EHMT1: variants seen among roughly 807,000 people sequenced by gnomAD.
EHMT1 encodes euchromatic histone lysine methyltransferase 1.
In EHMT1, 15 loss-of-function variants were observed where a neutral mutation model predicts 147.2. That is an observed-to-expected ratio of 0.10 (90% confidence interval 0.07 to 0.16). EHMT1 has a LOEUF of 0.16. EHMT1 is among the 10% of genes least tolerant of loss of function. The pLI, the probability that EHMT1 is intolerant of heterozygous loss-of-function variation, is 1.00. For synonymous variants in EHMT1, 795 were observed against 709.6 expected, an observed-to-expected ratio of 1.12 and a Z score of -1.91; for missense variants, 1,587 against 1,772.4, an observed-to-expected ratio of 0.90 and a Z score of 1.88.
At chr9:137,620,278 C>G (rs1224898884) in intron 1 of EHMT1, among the ~76,000 whole-genome samples, 1 of 152,160 alleles carries the variant, frequency 6.6e-6, no homozygotes, top group Non-Finnish European at 1.5e-5. Context: ...GGGGAGAAGA[C>G]GTGTAGTGAT....
At position 137,716,851 on chromosome 9, in the gene EHMT1, C is replaced by T. The variant is rs142199482; in HGVS notation, c.311C>T (p.Ala104Val). Residue 104 changes from alanine to valine, a missense_variant, in exon 3 of 27, where the codon GCG (alanine) becomes GTG (valine). Physicochemically the swap from Ala to Val is moderately conservative, Grantham distance 64. Around this residue, in one of 7 missense-constraint regions of EHMT1, gnomAD observed 810 missense variants for 673.0 expected, o/e 1.20. Coordinates refer to ENST00000460843, the MANE Select transcript of EHMT1 (RefSeq NM_024757.5). The part of the protein sequence containing the change: ...NGVSERDSEA[A>V]KQNHVTADDF... Reference sequence around the variant, plus strand: ...GTTTCAGAAAGAGACTCAGAAGCGGCGAAGCAAAACCACGTCACTGCCGAC... The same window carrying T: ...GTTTCAGAAAGAGACTCAGAAGCGGTGAAGCAAAACCACGTCACTGCCGAC... 1.2e-4 allele frequency: 188 copies of T among 1,613,248 alleles called. No individual in the cohort carries two copies. Among genetic ancestry groups the T allele is most frequent in the South Asian group, 6.7e-4 (61 of 91,084 alleles).
At chr9:137,625,364 TTTG>T (rs935724446) in intron 1 of EHMT1, among the ~76,000 whole-genome samples, 33 of 152,078 alleles carry the variant, frequency 2.2e-4, no homozygotes, top group Middle Eastern at 3.4e-3. Context: ...TAGGAGGTTT[TTTG>T]TTGTTGTTGT....
At chr9:137,680,799 C>A (rs1007143428) in intron 1 of EHMT1, 1 of 152,358 alleles carries the variant, frequency 6.6e-6, no homozygotes, top group Non-Finnish European at 1.5e-5. Context: ...ACACTGGGGC[C>A]GCTGCGTGAG....
intron 1 of EHMT1, among the ~76,000 whole-genome samples, chr9:137,688,318 C>A (rs1221045903): frequency 6.6e-6 from 1 of 152,186 alleles, no homozygotes; most frequent in African/African-American, 2.4e-5. Flanking sequence ...GCCATTGTGC[C>A]CAGCGTGGAA....
chr9:137,694,278 C>T (rs1462295002), intron 1 of EHMT1, among the ~76,000 whole-genome samples: 5 of 124,982 alleles, frequency 4.0e-5, no homozygotes, highest in African/African-American at 6.3e-5. Context: ...GGACGCTGGC[C>T]GATACCCCCA....
At chr9:137,669,819 C>G (rs905772658) in intron 1 of EHMT1, among the ~76,000 whole-genome samples, 1 of 152,222 alleles carries the variant, frequency 6.6e-6, no homozygotes, top group African/African-American at 2.4e-5. Context: ...TCTCAAAGCG[C>G]TGATATTACA....
At position 137,731,758 on chromosome 9, in the gene EHMT1, C is replaced by T. The variant is rs887237542; in HGVS notation, c.823+3229C>T. ...CTACCGGCCCAGATCCCACACCTTC[C>T]GAGGGCAAGCCAGGAGTGGAGCAGC... On this transcript the variant is annotated intron_variant, in intron 4 of 26. Coordinates refer to ENST00000460843, the MANE Select transcript of EHMT1 (RefSeq NM_024757.5). This position sits in a 1 kb window ranked among gnomAD's most constrained non-coding sequence, Gnocchi z 4.3. 4.6e-5 allele frequency among the ~76,000 whole-genome samples: 7 copies of T among 152,146 alleles called. No individual in the cohort carries two copies. Among genetic ancestry groups the T allele is most frequent in the Admixed American group, 1.3e-4 (2 of 15,270 alleles).
rs886063743 is a variant in EHMT1, at chr9:137,834,950, A to G, written c.3894A>G (p.Leu1298=). 29 of 1,451,108 alleles carry G rather than the reference A, an allele frequency of 2.0e-5. No homozygotes were observed. The highest frequency in any genetic ancestry group is 3.0e-5 in the African/African-American group (2 of 67,380). 89.9% of individuals were successfully genotyped at this position (1,451,108 alleles called of 1,614,324 possible). Residue 1298 remains leucine, a synonymous_variant, in exon 27 of 27, where the codon CTA becomes CTG. Transcript: ENST00000460843. ...DTSSAAAADP[L] ...GCTCCGCGGCTGCCGCCGACCCCCT[A>G]TGAGACGCCGCCGGCCAGCGGGGCG...
intron 22 of EHMT1, 199 bp from the exon 23 acceptor site, chr9:137,815,748 T>C (rs1954868018): frequency 1.6e-6 from 1 of 629,838 alleles, no homozygotes; most frequent in African/African-American, 1.8e-5. Context: ...CCACAACCTG[T>C]GTGGGCATCT....
chr9:137,834,256 A>T, intron 25 of EHMT1, 93 bp from the exon 26 acceptor site: 1 of 1,531,028 alleles, frequency 6.5e-7, no homozygotes, highest in Non-Finnish European at 8.9e-7. Flanking sequence ...GCCCAACTGC[A>T]GGCTCCGGGA....
Position 137,789,754 on chromosome 9 carries a change from G to T in EHMT1, c.2383-1094G>T, listed in dbSNP as rs1588721785. 2.6e-5 allele frequency among the ~76,000 whole-genome samples: 4 copies of T among 152,310 alleles called. 1 individual carries two copies. The South Asian group carries it at 8.3e-4, about 32-fold the overall frequency. On this transcript the variant is annotated intron_variant, in intron 15 of 26. Coordinates refer to ENST00000460843, the MANE Select transcript of EHMT1 (RefSeq NM_024757.5). ...TTTGTTTTGTTTTGTTTTTGTAACA[G>T]AGTTCACTTTTGTTGCCCAGGCTGG...
At chr9:137,834,615 G>A in intron 26 of EHMT1, 91 bp downstream of exon 26, 1 of 1,597,186 alleles carries the variant, frequency 6.3e-7, no homozygotes, top group Admixed American at 1.7e-5. Context: ...CTTGTCTCGG[G>A]TTTATGCTAG....
chr9:137,663,256 C>G (rs1939275819), intron 1 of EHMT1, among the ~76,000 whole-genome samples: 2 of 152,104 alleles, frequency 1.3e-5, no homozygotes, highest in Admixed American at 1.3e-4. Context: ...AAGCTACAGC[C>G]TATGGTTCTT....
chr9:137,820,737 A>G (rs1483855567), intron 25 of EHMT1, among the ~76,000 whole-genome samples: 1 of 152,236 alleles, frequency 6.6e-6, no homozygotes, highest in Non-Finnish European at 1.5e-5. Flanking sequence ...TCTTTTCCCC[A>G]GTCAGCAGTG....
Position 137,813,226 on chromosome 9 carries a change from T to C in EHMT1, c.3035+53T>C. 6.3e-7 allele frequency: 1 copy of C among 1,594,146 alleles called. No homozygotes were observed. The highest frequency in any genetic ancestry group is 1.7e-5 in the Admixed American group (1 of 58,274). On this transcript the variant is annotated intron_variant, in intron 20 of 26. Transcript: ENST00000460843. This position sits in a 1 kb window ranked among gnomAD's most constrained non-coding sequence, Gnocchi z 4.9. ...GGCAAATCAGCGGTCAGCAGGGCTT[T>C]GGGAACTTGCGGTGAAAGCTGCTCC... is the stretch of plus-strand genomic sequence containing the variant.
At chr9:137,661,601 T>C (rs926216369) in intron 1 of EHMT1, among the ~76,000 whole-genome samples, 4 of 150,638 alleles carry the variant, frequency 2.7e-5, no homozygotes, top group Admixed American at 6.7e-5. Flanking sequence ...TTCTCCTGCC[T>C]CAGCCTCCCG....
At chr9:137,834,586 C>T (rs908705254) in intron 26 of EHMT1, 62 bp downstream of exon 26, 10 of 1,601,856 alleles carry the variant, frequency 6.2e-6, no homozygotes, top group African/African-American at 1.3e-5. Context: ...AGGAACGGGG[C>T]TCGCATTGCT....
rs1947083195 is a variant in EHMT1 at position 137,731,241 on chromosome 9, TGGA to T, written c.823+2717_823+2719del. Among the ~76,000 whole-genome samples the T allele has an allele frequency of 6.6e-6, 1 of 152,206 alleles. No individual in the cohort carries two copies. Among genetic ancestry groups the T allele is most frequent in the Non-Finnish European group, 1.5e-5 (1 of 68,020 alleles). Reference sequence around the variant, plus strand: ...CAGTGTGTAAAATGGCCTTGAGCACTGGAGGAGATGTGCTCGGCAGTTAGCTGC... The same window carrying T: ...CAGTGTGTAAAATGGCCTTGAGCACTGGAGATGTGCTCGGCAGTTAGCTGC... On this transcript the variant is annotated intron_variant, in intron 4 of 26. Transcript: ENST00000460843. This position sits in a 1 kb window ranked among gnomAD's most constrained non-coding sequence, Gnocchi z 4.3.
At chr9:137,629,293 T>C (rs1319961352) in intron 1 of EHMT1, among the ~76,000 whole-genome samples, 1 of 151,454 alleles carries the variant, frequency 6.6e-6, no homozygotes, top group African/African-American at 2.4e-5. Context: ...GATTTCTCTA[T>C]GTTCGTCAGG....
Sources: allele counts gnomAD v4.1 joint callset (sites outside exome capture counted in the v4.1 genomes callset), GRCh38; gene constraint gnomAD v4.1.1; regional missense constraint gnomAD v4.1.1; non-coding constraint Gnocchi (gnomAD v3.1); transcripts MANE v1.5; gene names NCBI Gene and HGNC (gene_info 2026-07-23, HGNC 2026-07-21).